Variants in STK3 observed in about 807,000 individuals in gnomAD.
The protein encoded by STK3 is serine/threonine kinase 3.
A neutral mutation model predicts 58.0 loss-of-function variants in STK3; 41 were observed. The observed-to-expected ratio is 0.71, with a 90% CI of 0.55 to 0.92. The LOEUF (loss-of-function observed/expected upper bound fraction) is 0.92. Ranked by LOEUF, STK3 falls within the 40% of genes least tolerant of loss-of-function variation. STK3 has a pLI of 0.00. For missense variants in STK3, 479 were observed against 602.7 expected, an observed-to-expected ratio of 0.79 and a Z score of 2.15; for synonymous variants, 170 against 191.0, an observed-to-expected ratio of 0.89 and a Z score of 0.91.
intron 3 of STK3, among the ~76,000 whole-genome samples, chr8:98,871,783 T>A (rs1837389890): frequency 6.6e-6 from 1 of 152,250 alleles, no homozygotes; most frequent in Non-Finnish European, 1.5e-5. Context: ...TCATGTCATC[T>A]GCAAACAGGG....
chr8:98,404,420 C>T (rs1350663381), intron 3 of STK3, among the ~76,000 whole-genome samples: 2 of 152,222 alleles, frequency 1.3e-5, no homozygotes, highest in East Asian at 1.9e-4. Flanking sequence ...GTGGCTCACG[C>T]CTGTAACCCC....
At chr8:98,348,195 G>A in the STK3 span, among the ~76,000 whole-genome samples, 1 of 152,040 alleles carries the variant, frequency 6.6e-6, no homozygotes, top group Non-Finnish European at 1.5e-5. Context: ...TGGAATAATT[G>A]GATATCCATA....
intron 3 of STK3, among the ~76,000 whole-genome samples, chr8:98,433,337 C>A (rs1818371516): frequency 6.6e-6 from 1 of 152,156 alleles, no homozygotes; most frequent in Admixed American, 6.5e-5. Context: ...GAAGTAGGCT[C>A]CCTAATAGTA....
At chr8:98,609,475 T>C (rs1817014610) in intron 6 of STK3, among the ~76,000 whole-genome samples, 1 of 152,104 alleles carries the variant, frequency 6.6e-6, no homozygotes, top group South Asian at 2.1e-4. Flanking sequence ...CAATAAATAA[T>C]GGATCATAAA....
chr8:98,810,277 C>T (rs1330258847), intron 1 of STK3, among the ~76,000 whole-genome samples: 1 of 152,092 alleles, frequency 6.6e-6, no homozygotes, highest in African/African-American at 2.4e-5. Context: ...CAGGTATATA[C>T]CCAGAAGTGG....
chr8:98,593,065 C>T (rs1394982243), intron 7 of STK3, among the ~76,000 whole-genome samples: 1 of 151,882 alleles, frequency 6.6e-6, no homozygotes, highest in Non-Finnish European at 1.5e-5. Context: ...TGCCTGGCCA[C>T]TTACTGACTT....
chr8:98,822,810 T>C lies in STK3; in HGVS notation c.26+2705A>G, dbSNP rs187629719. ...TTAGGTGGCCGAGGCAGGTGGATCA[T>C]CTGAGGTCTGGAGTTGGAGACCAGC... On this transcript the variant is annotated intron_variant, in intron 1 of 10. Coordinates refer to ENST00000419617, the MANE Select transcript of STK3 (RefSeq NM_006281.4). 8.7e-3 allele frequency among the ~76,000 whole-genome samples: 1,322 copies of C among 152,214 alleles called. 12 individuals are homozygous for C. Among genetic ancestry groups the C allele is most frequent in the African/African-American group, 0.03 (1,245 of 41,528 alleles).
intron 1 of STK3, among the ~76,000 whole-genome samples, chr8:98,811,170 G>A (rs1296348395): frequency 2.6e-5 from 4 of 152,122 alleles, no homozygotes; most frequent in Non-Finnish European, 5.9e-5. Flanking sequence ...ATGGAGAAGA[G>A]GCACTGGCAA....
At chr8:98,548,757 T>C (rs13272152) in intron 8 of STK3, among the ~76,000 whole-genome samples, 1 of 152,112 alleles carries the variant, frequency 6.6e-6, no homozygotes, top group Admixed American at 6.6e-5. Context: ...CTATTGTACT[T>C]ACAAGAGGTA....
intron 1 of STK3, chr8:98,778,949 G>A (rs1457228120): frequency 6.6e-6 from 1 of 151,972 alleles, no homozygotes; most frequent in African/African-American, 2.4e-5. Flanking sequence ...GTTAATGGGT[G>A]CAGCACACCA....
intron 1 of STK3, among the ~76,000 whole-genome samples, chr8:98,936,009 C>T (rs1236305036): frequency 6.6e-6 from 1 of 152,058 alleles, no homozygotes. Context: ...CTCCACCTCC[C>T]GGGTTCATGC....
chr8:98,768,565 T>C (rs1414387090), intron 2 of STK3, among the ~76,000 whole-genome samples: 2 of 152,200 alleles, frequency 1.3e-5, no homozygotes, highest in Admixed American at 6.5e-5. Flanking sequence ...TATGTGTGTG[T>C]ATCTCCCCTT....
At position 98,740,112 on chromosome 8, in the gene STK3, G is replaced by A. The variant is rs200069561; in HGVS notation, c.351+9164C>T. Among the ~76,000 whole-genome samples, 18 of 152,300 alleles carry A rather than the reference G, an allele frequency of 1.2e-4. No homozygotes were observed. In the East Asian group the frequency reaches 2.3e-3, roughly 20 times the overall value. ...GACTATGTGAAAAGACCAGATCTTCGTCTCACTGGTGTACCTGAAAGTGAC... is the reference window on the plus strand; with the variant it reads ...GACTATGTGAAAAGACCAGATCTTCATCTCACTGGTGTACCTGAAAGTGAC... On this transcript the variant is annotated intron_variant, in intron 4 of 10. Transcript: ENST00000419617.
At chr8:98,504,184 CTG>C (rs1240366937) in intron 10 of STK3, among the ~76,000 whole-genome samples, 1 of 149,770 alleles carries the variant, frequency 6.7e-6, no homozygotes, top group Non-Finnish European at 1.5e-5. Flanking sequence ...GGTTTAAAGT[CTG>C]TTTTATCAGA....
intron 6 of STK3, among the ~76,000 whole-genome samples, chr8:98,689,731 C>G (rs1824256288): frequency 6.6e-6 from 1 of 151,996 alleles, no homozygotes; most frequent in Non-Finnish European, 1.5e-5. Context: ...TGCAGTGAGC[C>G]ATGACTGCAC....
intron 6 of STK3, among the ~76,000 whole-genome samples, chr8:98,701,224 A>G (rs1247770752): frequency 2.6e-5 from 4 of 152,044 alleles, no homozygotes; most frequent in Admixed American, 2.6e-4. Flanking sequence ...AGGAAAGGAA[A>G]AAAGTAAAGA....
intron 3 of STK3, among the ~76,000 whole-genome samples, chr8:98,761,900 A>G (rs1422576837): frequency 6.6e-6 from 1 of 152,222 alleles, no homozygotes; most frequent in East Asian, 1.9e-4. Flanking sequence ...ATGAGGAAAT[A>G]GAACAGGTAA....
intron 3 of STK3, among the ~76,000 whole-genome samples, chr8:98,423,090 G>A (rs974515031): frequency 6.6e-6 from 1 of 152,216 alleles, no homozygotes; most frequent in Non-Finnish European, 1.5e-5. Context: ...TCCCCATCCA[G>A]TTCCCTTCTT....
downstream of STK3, among the ~76,000 whole-genome samples, chr8:98,370,134 C>G (rs1220878258): frequency 6.8e-6 from 1 of 146,648 alleles, no homozygotes; most frequent in African/African-American, 2.6e-5. Context: ...AGCAACAGAT[C>G]CAGTTTGTCT....
Sources: gnomAD v4.1 joint callset for allele counts (sites outside exome capture counted in the v4.1 genomes callset) on GRCh38, gnomAD v4.1.1 for gene constraint, MANE v1.5 for transcripts, NCBI Gene and HGNC (gene_info 2026-07-23, HGNC 2026-07-21) for gene names.